Variants in PPP2R3A observed in about 807,000 individuals in gnomAD.
The protein encoded by PPP2R3A is protein phosphatase 2 regulatory subunit B''alpha.
Under a neutral mutation model 106.9 loss-of-function variants are expected in PPP2R3A, and 80 were observed. The ratio of observed to expected loss-of-function variants is 0.75; its 90% CI spans 0.62 to 0.90. PPP2R3A has a LOEUF of 0.90. PPP2R3A is among the 40% of genes least tolerant of loss of function. The pLI is 0.00. For synonymous variants in PPP2R3A, 483 were observed against 468.3 expected (o/e 1.03, Z -0.41); for missense variants, 1,386 against 1,350.4 (o/e 1.03, Z -0.41).
intron 5 of PPP2R3A, among the ~76,000 whole-genome samples, chr3:136,068,870 G>T (rs1489861848): frequency 2.6e-5 from 4 of 152,276 alleles, no homozygotes; most frequent in African/African-American, 9.6e-5. Flanking sequence ...TCTGTATTAC[G>T]TATGCCCAGT....
In PPP2R3A at chr3:136,003,275, C is replaced by A. The variant is rs74952187; in HGVS notation, c.1777C>A (p.Arg593=). ...IEEEDRALLL[R]ILESIEDFAQ... ...GGAAGAGGATCGAGCCCTCTTACTG[C>A]GAATCCTGGAAAGCATTGAAGACTT... The change falls in exon 2 of 14, where the codon CGA becomes AGA. Residue 593 remains arginine (R), a synonymous_variant. Coordinates refer to ENST00000264977, the MANE Select transcript of PPP2R3A (RefSeq NM_002718.5). 11 of 1,613,642 alleles carry A rather than the reference C, an allele frequency of 6.8e-6. No homozygotes were observed. Among genetic ancestry groups the A allele is most frequent in the Non-Finnish European group, 9.3e-6 (11 of 1,179,852 alleles).
chr3:136,093,796 G>A (rs1188946782), intron 10 of PPP2R3A, among the ~76,000 whole-genome samples: 1 of 152,174 alleles, frequency 6.6e-6, no homozygotes, highest in Non-Finnish European at 1.5e-5. Context: ...CATTACAATA[G>A]GAATGTAAAA....
intron 2 of PPP2R3A, among the ~76,000 whole-genome samples, chr3:136,010,258 C>CTTTTT (rs35997478): frequency 1.7e-4 from 21 of 121,292 alleles, no homozygotes; most frequent in East Asian, 4.3e-4. Flanking sequence ...TTCTTTCTTT[C>CTTTTT]TTTTTTTTTT....
chr3:136,132,233 C>G (rs1399014667), intron 13 of PPP2R3A, among the ~76,000 whole-genome samples: 2 of 151,984 alleles, frequency 1.3e-5, no homozygotes, highest in Non-Finnish European at 2.9e-5. Flanking sequence ...CTCACTGTTT[C>G]TACTCAACAA....
intron 3 of PPP2R3A, among the ~76,000 whole-genome samples, chr3:136,036,477 T>C (rs748229052): frequency 6.6e-6 from 1 of 152,172 alleles, no homozygotes; most frequent in Non-Finnish European, 1.5e-5. Context: ...GCTGTAGTGA[T>C]TGTTATCTCT....
chr3:136,081,004 T>C (rs1334691164), intron 7 of PPP2R3A, among the ~76,000 whole-genome samples: 3 of 152,044 alleles, frequency 2.0e-5, no homozygotes, highest in East Asian at 3.9e-4. Flanking sequence ...TTTCTTTTTT[T>C]TTTCTTTGAG....
rs777766498 is a variant in PPP2R3A, at chr3:136,002,613, A to G, written c.1115A>G (p.Asn372Ser). The change falls in exon 2 of 14, where the codon AAC (asparagine) becomes AGC (serine). Residue 372 changes from asparagine (N) to serine (S), a missense_variant. By Grantham distance (46) the Asn-to-Ser change is conservative. Transcript: ENST00000264977. ...GACACTGTACAATCCATTCCAAACA[A>G]CTCCACAAATTCCTTATATAACTTA... Reference protein sequence around the residue: ...KMDTVQSIPNNSTNSLYNLEV... With the variant: ...KMDTVQSIPNSSTNSLYNLEV... The G allele has an allele frequency of 4.3e-6, 7 of 1,613,838 alleles. No individual in the cohort carries two copies. Among genetic ancestry groups the G allele is most frequent in the South Asian group, 1.1e-5 (1 of 91,072 alleles).
At chr3:136,099,991 TCA>T (rs1937318457) in intron 10 of PPP2R3A, among the ~76,000 whole-genome samples, 1 of 150,914 alleles carries the variant, frequency 6.6e-6, no homozygotes, top group African/African-American at 2.4e-5. Context: ...ACTGAAGGAT[TCA>T]GTTTCCAAAC....
Position 136,070,519 on chromosome 3 carries a change from T to C in PPP2R3A, c.2511T>C (p.Asp837=), listed in dbSNP as rs1356118163. 6.8e-6 allele frequency: 11 copies of C among 1,611,514 alleles called. No individual in the cohort carries two copies. Among genetic ancestry groups the C allele is most frequent in the Non-Finnish European group, 9.3e-6 (11 of 1,179,230 alleles). ...DTHPGLTFLK[D]APEFHSRYIT... ...ACCCTGGTCTCACGTTCCTGAAAGA[T>C]GCTCCAGAATTCCACTCCCGCTACA... The change falls in exon 6 of 14, where the codon GAT becomes GAC. Residue 837 remains aspartate (D), a synonymous_variant. Transcript: ENST00000264977.
chr3:136,082,234 T>C, intron 7 of PPP2R3A, 31 bp from the exon 8 acceptor site: 1 of 1,534,356 alleles, frequency 6.5e-7, no homozygotes, highest in Non-Finnish European at 9.0e-7. Flanking sequence ...TTTTTCATAA[T>C]GTTTAAATTC....
intron 2 of PPP2R3A, among the ~76,000 whole-genome samples, chr3:136,010,466 G>T (rs1380102435): frequency 2.4e-5 from 3 of 123,932 alleles, no homozygotes; most frequent in African/African-American, 6.5e-5. Flanking sequence ...TCGCTCTGTC[G>T]CCCAGGCTGG....
chr3:136,090,906 T>C (rs1306901348), intron 10 of PPP2R3A, among the ~76,000 whole-genome samples: 1 of 152,234 alleles, frequency 6.6e-6, no homozygotes, highest in East Asian at 1.9e-4. Flanking sequence ...ACATGTAAGC[T>C]GATGACAAGT....
Position 136,002,591 on chromosome 3 carries a change from A to G in PPP2R3A, c.1093A>G (p.Thr365Ala), listed in dbSNP as rs142247610. ...CAAGCCTAATTCTAGGAAGATGGAC[A>G]CTGTACAATCCATTCCAAACAACTC... is the stretch of plus-strand genomic sequence containing the variant. Reference protein sequence around the residue: ...NDKPNSRKMDTVQSIPNNSTN... With the variant: ...NDKPNSRKMDAVQSIPNNSTN... The change falls in exon 2 of 14, where the codon ACT becomes GCT. Residue 365 changes from threonine to alanine, a missense_variant. Thr to Ala is a moderately conservative substitution (Grantham distance 58). Coordinates refer to ENST00000264977, the MANE Select transcript of PPP2R3A (RefSeq NM_002718.5). The G allele has an allele frequency of 1.2e-6, 2 of 1,613,870 alleles. No individual in the cohort carries two copies. Among genetic ancestry groups the G allele is most frequent in the African/African-American group, 2.7e-5 (2 of 74,938 alleles).
chr3:136,145,030 TTTG>T lies in PPP2R3A; in HGVS notation c.3330-10_3330-8del, dbSNP rs569766401. The T allele has an allele frequency of 7.1e-4, 1,127 of 1,586,528 alleles. 12 individuals carry two copies. The South Asian group carries it at 9.3e-3, about 13-fold the overall frequency. On this transcript the variant is annotated splice_polypyrimidine_tract_variant and intron_variant, in intron 13 of 13. Transcript: ENST00000264977. ...AATCAATCAGTTAATTCACTTTTGC[TTTG>T]TTATTTCAGCTTTGAAGATTATGAA...
At chr3:136,080,801 A>G (rs1217983269) in intron 7 of PPP2R3A, among the ~76,000 whole-genome samples, 1 of 152,048 alleles carries the variant, frequency 6.6e-6, no homozygotes, top group Non-Finnish European at 1.5e-5. Flanking sequence ...CTTCAGTGTA[A>G]ACTTTATAAT....
chr3:136,113,519 T>C (rs1368457295), intron 13 of PPP2R3A, among the ~76,000 whole-genome samples: 1 of 152,116 alleles, frequency 6.6e-6, no homozygotes, highest in Non-Finnish European at 1.5e-5. Context: ...CTGGCCATGG[T>C]GACTCATGCT....
At chr3:136,121,968 A>G (rs944749165) in intron 13 of PPP2R3A, among the ~76,000 whole-genome samples, 1 of 152,202 alleles carries the variant, frequency 6.6e-6, no homozygotes, top group Admixed American at 6.5e-5. Flanking sequence ...GTTTAAAAAT[A>G]TATTTTAAGA....
chr3:136,026,948 A>G lies in PPP2R3A; in HGVS notation c.2112A>G (p.Pro704=), dbSNP rs1167979098. 12 of 1,613,574 alleles carry G rather than the reference A, an allele frequency of 7.4e-6. No homozygotes were observed. Among genetic ancestry groups the G allele is most frequent in the Non-Finnish European group, 9.3e-6 (11 of 1,179,682 alleles). The change falls in exon 3 of 14, where the codon CCA becomes CCG. Residue 704 remains proline, a synonymous_variant. Transcript: ENST00000264977. ...VPHVNNVVNA[P]LSINIPRFYF... ...ATGTGAATAATGTTGTGAATGCGCC[A>G]TTGTCCATAAACATTCCACGGTTCT... is the stretch of plus-strand genomic sequence containing the variant.
intron 2 of PPP2R3A, chr3:136,022,877 G>T (rs1304535342): frequency 9.4e-6 from 13 of 1,376,352 alleles, no homozygotes; most frequent in Non-Finnish European, 1.1e-5. Context: ...CTGTATTTGG[G>T]AACCAGCTGC....
Sources: gnomAD v4.1 joint callset for allele counts (sites outside exome capture counted in the v4.1 genomes callset) on GRCh38, gnomAD v4.1.1 for gene constraint, MANE v1.5 for transcripts, NCBI Gene and HGNC (gene_info 2026-07-23, HGNC 2026-07-21) for gene names.